PCDHA2: variants seen among roughly 807,000 people sequenced by gnomAD.
PCDHA2 encodes the protein protocadherin alpha 2.
In PCDHA2, 58 loss-of-function variants were observed where a neutral mutation model predicts 66.0. That is an observed-to-expected ratio of 0.88 (90% CI 0.71 to 1.09). PCDHA2 has a LOEUF of 1.09. Among genes scored for constraint, PCDHA2 ranks in the 50% least tolerant of loss-of-function variants. PCDHA2 has a pLI of 0.00. For missense variants in PCDHA2, 1,267 were observed against 1,242.3 expected, an observed-to-expected ratio of 1.02 and a Z score of -0.30; for synonymous variants, 634 against 554.0, an observed-to-expected ratio of 1.14 and a Z score of -2.03.
chr5:140,879,740 T>G (rs1337276853), intron 1 of PCDHA2, among the ~76,000 whole-genome samples: 1 of 152,200 alleles, frequency 6.6e-6, no homozygotes, highest in East Asian at 1.9e-4. Flanking sequence ...ATCAAGGTGT[T>G]GTCAAGGCTA....
At chr5:140,990,107 A>C (rs1359747896) in intron 3 of PCDHA2, among the ~76,000 whole-genome samples, 1 of 152,044 alleles carries the variant, frequency 6.6e-6, no homozygotes, top group East Asian at 1.9e-4. Context: ...TGAAACAGGA[A>C]ATTGAGAGCT....
chr5:141,001,478 A>G, intron 3 of PCDHA2, among the ~76,000 whole-genome samples: 1 of 152,236 alleles, frequency 6.6e-6, no homozygotes, highest in Non-Finnish European at 1.5e-5. Context: ...GCAGCGGGGA[A>G]GTGCTGGAAA....
chr5:140,821,598 A>T, intron 1 of PCDHA2: 1 of 689,144 alleles, frequency 1.5e-6, no homozygotes, highest in Non-Finnish European at 2.3e-6. Context: ...CCAGCCTCAA[A>T]GGAATACAGT....
intron 2 of PCDHA2, among the ~76,000 whole-genome samples, chr5:140,980,943 T>C (rs573281233): frequency 1.6e-4 from 25 of 152,172 alleles, no homozygotes; most frequent in Non-Finnish European, 3.1e-4. Context: ...CTGAGCTGGC[T>C]CCAGGATAGT....
intron 1 of PCDHA2, chr5:140,871,528 T>G: frequency 2.0e-6 from 3 of 1,530,602 alleles, no homozygotes; most frequent in Non-Finnish European, 2.6e-6. Context: ...TATCAGGAAG[T>G]GTATGTGAAA....
At chr5:140,982,186 C>G (rs547938149) in intron 2 of PCDHA2, among the ~76,000 whole-genome samples, 34 of 152,372 alleles carry the variant, frequency 2.2e-4, no homozygotes, top group African/African-American at 7.7e-4. Context: ...CTCTGATGGG[C>G]TTCCTGTTAG....
intron 1 of PCDHA2, chr5:140,875,319 A>T: frequency 7.0e-7 from 1 of 1,428,968 alleles, no homozygotes; most frequent in South Asian, 1.6e-5. Context: ...CATTCCAATC[A>T]TTCACGGAAT....
At chr5:140,915,469 A>G (rs2077137068) in intron 1 of PCDHA2, among the ~76,000 whole-genome samples, 1 of 152,034 alleles carries the variant, frequency 6.6e-6, no homozygotes, top group Admixed American at 6.6e-5. Context: ...TTTTTATTTG[A>G]AGGAGCTTGG....
chr5:140,991,227 A>G (rs1172819040), intron 3 of PCDHA2, among the ~76,000 whole-genome samples: 2 of 152,224 alleles, frequency 1.3e-5, no homozygotes, highest in African/African-American at 4.8e-5. Flanking sequence ...TCATTAATAA[A>G]TGCAGTGGTA....
chr5:140,954,297 C>G (rs1369831854), intron 1 of PCDHA2, among the ~76,000 whole-genome samples: 1 of 152,298 alleles, frequency 6.6e-6, no homozygotes, highest in African/African-American at 2.4e-5. Context: ...TGGGTACATA[C>G]CCAGTAATGG....
intron 1 of PCDHA2, among the ~76,000 whole-genome samples, chr5:140,937,132 GGTT>G (rs2091356684): frequency 6.6e-6 from 1 of 151,434 alleles, no homozygotes. Context: ...CCGCCTCCCG[GGTT>G]CATGCCATTC....
intron 1 of PCDHA2, among the ~76,000 whole-genome samples, chr5:140,907,290 G>T (rs1554192922): frequency 1.3e-5 from 2 of 152,200 alleles, no homozygotes; most frequent in East Asian, 3.8e-4. Context: ...CAATCCAGCT[G>T]CTTCAGGATG....
chr5:140,819,959 T>C (rs971772781), intron 1 of PCDHA2, among the ~76,000 whole-genome samples: 3 of 152,026 alleles, frequency 2.0e-5, no homozygotes, highest in Non-Finnish European at 4.4e-5. Flanking sequence ...TAATATTTAC[T>C]TTTTTCAAAG....
intron 1 of PCDHA2, among the ~76,000 whole-genome samples, chr5:140,917,793 G>A (rs1405580492): frequency 6.6e-6 from 1 of 152,082 alleles, no homozygotes; most frequent in African/African-American, 2.4e-5. Flanking sequence ...TTTGGTTACT[G>A]TAGCCTTGCA....
chr5:140,907,705 G>A (rs2073545190), intron 1 of PCDHA2, among the ~76,000 whole-genome samples: 1 of 152,204 alleles, frequency 6.6e-6, no homozygotes, highest in Non-Finnish European at 1.5e-5. Context: ...CCCTGTTGCT[G>A]AGCCCATGTG....
At chr5:140,822,882 T>C (rs1554128937) in intron 1 of PCDHA2, 45 of 1,614,098 alleles carry the variant, frequency 2.8e-5, no homozygotes, top group Non-Finnish European at 3.7e-5. Context: ...CGGTCATTGC[T>C]CTGATCAGCG....
rs782212000 is a variant in PCDHA2, at chr5:140,802,477, C to T, written c.2388+5125C>T. ...TCGGCCTATGAGCTGGTGGTGACTGCTCGGGACGGGGGCTCGCCTTCACTG... is the reference window on the plus strand; with the variant it reads ...TCGGCCTATGAGCTGGTGGTGACTGTTCGGGACGGGGGCTCGCCTTCACTG... On this transcript the variant is annotated intron_variant, in intron 1 of 3. Coordinates refer to ENST00000526136, the MANE Select transcript of PCDHA2 (RefSeq NM_018905.3). The T allele has an allele frequency of 4.3e-6, 7 of 1,614,218 alleles. No individual in the cohort carries two copies. The Admixed American group carries it at 1.0e-4, about 23-fold the overall frequency.
chr5:140,921,098 A>G (rs1007745080), intron 1 of PCDHA2, among the ~76,000 whole-genome samples: 2 of 151,708 alleles, frequency 1.3e-5, no homozygotes, highest in South Asian at 2.1e-4. Context: ...CTCCTGCCTC[A>G]GTCTCCTAAG....
At chr5:140,946,903 T>A (rs2094054259) in intron 1 of PCDHA2, among the ~76,000 whole-genome samples, 1 of 151,408 alleles carries the variant, frequency 6.6e-6, no homozygotes, top group African/African-American at 2.4e-5. Flanking sequence ...ATAGGAAGAA[T>A]AAGTTCTGGT....
Sources: allele counts gnomAD v4.1 joint callset (sites outside exome capture counted in the v4.1 genomes callset), GRCh38; gene constraint gnomAD v4.1.1; transcripts MANE v1.5; gene names NCBI Gene and HGNC (gene_info 2026-07-23, HGNC 2026-07-21).